Variants in PLCB1 observed in about 807,000 individuals in gnomAD.
PLCB1 encodes 1-phosphatidylinositol 4,5-bisphosphate phosphodiesterase beta-1.
A neutral mutation model predicts 161.8 loss-of-function variants in PLCB1; 46 were observed. The ratio of observed to expected loss-of-function variants is 0.28; its 90% CI spans 0.22 to 0.36. The LOEUF (loss-of-function observed/expected upper bound fraction) is 0.36. Ranked by LOEUF, PLCB1 falls within the 10% of genes least tolerant of loss-of-function variation. The pLI is 1.00. For synonymous variants in PLCB1, 517 were observed against 503.7 expected, an observed-to-expected ratio of 1.03 and a Z score of -0.35; for missense variants, 1,016 against 1,472.5, an observed-to-expected ratio of 0.69 and a Z score of 5.07.
intron 3 of PLCB1, among the ~76,000 whole-genome samples, chr20:8,420,336 G>A (rs11908017): frequency 0.087 from 13,259 of 152,176 alleles, 1,801 homozygotes; most frequent in African/African-American, 0.29. Flanking sequence ...TAAATATTCA[G>A]TGAACCACTG....
At chr20:8,231,596 G>A (rs1980042311) in intron 2 of PLCB1, among the ~76,000 whole-genome samples, 1 of 152,196 alleles carries the variant, frequency 6.6e-6, no homozygotes, top group African/African-American at 2.4e-5. Flanking sequence ...GTCAGCAGGT[G>A]TTTCTTCTTT....
intron 3 of PLCB1, chr20:8,624,034 T>C (rs1988259868): frequency 6.6e-6 from 1 of 152,240 alleles, no homozygotes; most frequent in Non-Finnish European, 1.5e-5. Flanking sequence ...CGTAAATTTA[T>C]ACATTTCCTC....
At chr20:8,582,479 C>T (rs1363229050) in intron 3 of PLCB1, among the ~76,000 whole-genome samples, 1 of 152,144 alleles carries the variant, frequency 6.6e-6, no homozygotes, top group Non-Finnish European at 1.5e-5. Context: ...GACCAGTCTC[C>T]AGCTGTAACT....
At position 8,370,038 on chromosome 20, in the gene PLCB1, A is replaced by G. The variant is rs185800794; in HGVS notation, c.178-1344A>G. On this transcript the variant is annotated intron_variant, in intron 2 of 31. Coordinates refer to ENST00000338037, the MANE Select transcript of PLCB1 (RefSeq NM_015192.4). ...GGGAGCTTGGCCTTTAAGAAGTTACAGCCACTCCTATCCAGAGGTTCTATT... is the reference window on the plus strand; with the variant it reads ...GGGAGCTTGGCCTTTAAGAAGTTACGGCCACTCCTATCCAGAGGTTCTATT... Among the ~76,000 whole-genome samples the G allele has an allele frequency of 4.9e-4, 74 of 152,354 alleles. 1 individual carries two copies. Among genetic ancestry groups the G allele is most frequent in the Admixed American group, 9.8e-4 (15 of 15,300 alleles).
At chr20:8,503,294 T>C (rs1402910011) in intron 3 of PLCB1, among the ~76,000 whole-genome samples, 1 of 152,214 alleles carries the variant, frequency 6.6e-6, no homozygotes, top group Non-Finnish European at 1.5e-5. Flanking sequence ...TAAGGATAGC[T>C]GATGGCTTCT....
At chr20:8,386,420 A>T (rs544353192) in intron 3 of PLCB1, among the ~76,000 whole-genome samples, 1 of 152,204 alleles carries the variant, frequency 6.6e-6, no homozygotes, top group Non-Finnish European at 1.5e-5. Context: ...AATGAGCATT[A>T]ATATTTTGAA....
intron 3 of PLCB1, among the ~76,000 whole-genome samples, chr20:8,476,168 A>G (rs566988141): frequency 3.9e-5 from 6 of 152,216 alleles, no homozygotes; most frequent in Admixed American, 6.5e-5. Flanking sequence ...GACCTAGTAG[A>G]GCAGCTTACA....
intron 3 of PLCB1, among the ~76,000 whole-genome samples, chr20:8,485,670 A>G (rs1982688834): frequency 6.6e-6 from 1 of 152,254 alleles, no homozygotes; most frequent in Admixed American, 6.5e-5. Context: ...GAATGAGCAC[A>G]GCAAATTAGT....
At chr20:8,253,579 T>C (rs1378496910) in intron 2 of PLCB1, among the ~76,000 whole-genome samples, 3 of 152,038 alleles carry the variant, frequency 2.0e-5, no homozygotes, top group Non-Finnish European at 4.4e-5. Context: ...AGGAAGAATA[T>C]TGAGTTGATA....
intron 9 of PLCB1, among the ~76,000 whole-genome samples, chr20:8,667,542 G>A (rs1989843269): frequency 6.6e-6 from 1 of 152,208 alleles, no homozygotes; most frequent in Non-Finnish European, 1.5e-5. Context: ...GAAAGGCAAA[G>A]GCCTGGCCTA....
At chr20:8,594,549 T>C (rs1420043958) in intron 3 of PLCB1, among the ~76,000 whole-genome samples, 1 of 152,112 alleles carries the variant, frequency 6.6e-6, no homozygotes, top group Non-Finnish European at 1.5e-5. Context: ...CAAACCACAT[T>C]TTGAGTAGCC....
At chr20:8,482,363 A>G (rs1982541337) in intron 3 of PLCB1, among the ~76,000 whole-genome samples, 1 of 152,066 alleles carries the variant, frequency 6.6e-6, no homozygotes, top group Non-Finnish European at 1.5e-5. Flanking sequence ...CGGCCTCCCA[A>G]AGTGGTGGGA....
chr20:8,151,212 A>G lies in PLCB1; in HGVS notation c.177+841A>G, dbSNP rs75662385. Among the ~76,000 whole-genome samples the G allele has an allele frequency of 2.7e-3, 414 of 152,314 alleles. 1 individual carries two copies. The highest frequency in any genetic ancestry group is 9.0e-3 in the African/African-American group (373 of 41,582). On this transcript the variant is annotated intron_variant, in intron 2 of 31. Coordinates refer to ENST00000338037, the MANE Select transcript of PLCB1 (RefSeq NM_015192.4). ...GCTAAATACATACTGAAAACAATAG[A>G]ATAGTAATAGTATACCATTAAAACA...
At chr20:8,401,499 T>C (rs905768570) in intron 3 of PLCB1, among the ~76,000 whole-genome samples, 4 of 152,224 alleles carry the variant, frequency 2.6e-5, no homozygotes, top group African/African-American at 9.6e-5. Context: ...GACCTTATTT[T>C]ATGACAGTGA....
chr20:8,247,141 A>G (rs1308208203), intron 2 of PLCB1, among the ~76,000 whole-genome samples: 1 of 151,912 alleles, frequency 6.6e-6, no homozygotes, highest in Non-Finnish European at 1.5e-5. Flanking sequence ...CAATACTATC[A>G]GTTCCCAAAA....
intron 2 of PLCB1, among the ~76,000 whole-genome samples, chr20:8,366,333 A>G (rs1032818780): frequency 6.6e-6 from 1 of 152,132 alleles, no homozygotes; most frequent in Non-Finnish European, 1.5e-5. Flanking sequence ...TATTCAGTCA[A>G]TAACTTTACC....
At chr20:8,446,449 A>G (rs1980831714) in intron 3 of PLCB1, among the ~76,000 whole-genome samples, 1 of 152,198 alleles carries the variant, frequency 6.6e-6, no homozygotes. Flanking sequence ...CACAGCCAAT[A>G]TCATACTGAA....
intron 2 of PLCB1, among the ~76,000 whole-genome samples, chr20:8,281,534 A>G (rs193222350): frequency 1.4e-4 from 21 of 152,248 alleles, no homozygotes; most frequent in Admixed American, 1.0e-3. Context: ...TTTACACACT[A>G]AAGAACAACG....
chr20:8,550,920 G>C (rs1985752897), intron 3 of PLCB1, among the ~76,000 whole-genome samples: 1 of 152,028 alleles, frequency 6.6e-6, no homozygotes. Flanking sequence ...TTTCTATCAG[G>C]AGTGGATTAA....
Sources: gnomAD v4.1 joint callset for allele counts (sites outside exome capture counted in the v4.1 genomes callset) on GRCh38, gnomAD v4.1.1 for gene constraint, MANE v1.5 for transcripts, NCBI Gene and HGNC (gene_info 2026-07-23, HGNC 2026-07-21) for gene names.